OBP2B: variants seen among roughly 807,000 people sequenced by gnomAD.
OBP2B encodes the protein odorant-binding protein 2b.
Under a neutral mutation model 21.7 loss-of-function variants are expected in OBP2B, and 10 were observed. The observed-to-expected ratio is 0.46, with a 90% CI of 0.28 to 0.78. The LOEUF (loss-of-function observed/expected upper bound fraction) is 0.78. OBP2B is among the 30% of genes least tolerant of loss of function. OBP2B has a pLI of 0.11. For synonymous variants in OBP2B, 73 were observed against 91.5 expected, an observed-to-expected ratio of 0.80 and a Z score of 1.16; for missense variants, 153 against 217.7, an observed-to-expected ratio of 0.70 and a Z score of 1.87.
chr9:133,205,539 C>G, intron 6 of OBP2B, 128 bp from the exon 7 acceptor site: 1 of 657,398 alleles, frequency 1.5e-6, no homozygotes, highest in Non-Finnish European at 2.6e-6. Flanking sequence ...GGCTCCAGAG[C>G]GACCTCAGCT....
the OBP2B span, among the ~76,000 whole-genome samples, chr9:133,215,903 C>T: frequency 1.3e-5 from 2 of 152,126 alleles, no homozygotes. Flanking sequence ...AAAGAAGAAC[C>T]ACAACCTTGG....
At chr9:133,219,350 T>C in the OBP2B span, among the ~76,000 whole-genome samples, 1 of 152,280 alleles carries the variant, frequency 6.6e-6, no homozygotes, top group African/African-American at 2.4e-5. Flanking sequence ...CGTGAGAAAA[T>C]ACTTGCAAAT....
At chr9:133,216,515 A>C in the OBP2B span, among the ~76,000 whole-genome samples, 3 of 152,086 alleles carry the variant, frequency 2.0e-5, no homozygotes, top group Admixed American at 2.0e-4. Flanking sequence ...CAAGCATAGA[A>C]CCCCGCAATA....
chr9:133,207,149 A>C, intron 4 of OBP2B, 77 bp downstream of exon 4: 1 of 1,011,076 alleles, frequency 9.9e-7, no homozygotes, highest in Non-Finnish European at 1.6e-6. Flanking sequence ...ATGCCAGGGC[A>C]TGGTGGTGCT....
At chr9:133,219,213 A>C in the OBP2B span, among the ~76,000 whole-genome samples, 1 of 152,258 alleles carries the variant, frequency 6.6e-6, no homozygotes, top group Admixed American at 6.5e-5. Context: ...GGCTTTGACA[A>C]TGAATTCTTC....
the OBP2B span, among the ~76,000 whole-genome samples, chr9:133,214,918 G>T: frequency 1.3e-5 from 2 of 152,098 alleles, no homozygotes; most frequent in East Asian, 3.8e-4. Flanking sequence ...AGCAATAAAG[G>T]TTTTTTAAAA....
chr9:133,206,496 C>A, intron 4 of OBP2B, 80 bp from the exon 5 acceptor site: 2 of 1,573,078 alleles, frequency 1.3e-6, no homozygotes. Context: ...AAGGAGACGA[C>A]CACGGCCCAG....
rs782581400 is a variant in OBP2B at position 133,207,808 on chromosome 9, T to TTCCCCATCCCTAACCCTCAGCC, written c.277+303_277+324dup. The TTCCCCATCCCTAACCCTCAGCC allele has an allele frequency of 8.7e-4, 1,147 of 1,321,772 alleles. 2 individuals are homozygous for TTCCCCATCCCTAACCCTCAGCC. Among genetic ancestry groups the TTCCCCATCCCTAACCCTCAGCC allele is most frequent in the Non-Finnish European group, 1.1e-3 (1,049 of 983,972 alleles). 81.9% of individuals were successfully genotyped at this position (1,321,772 alleles called of 1,614,324 possible). ...AGCTTCCCCATCCTTAACCCTCAGC[T>TTCCCCATCCCTAACCCTCAGCC]TCCCCATCCCTAACCCTCAGCCTCC... On this transcript the variant is annotated intron_variant, in intron 3 of 6. Coordinates refer to ENST00000372034, the MANE Select transcript of OBP2B (RefSeq NM_014581.4).
chr9:133,215,265 CAAA>C, the OBP2B span, among the ~76,000 whole-genome samples: 3 of 152,076 alleles, frequency 2.0e-5, no homozygotes, highest in African/African-American at 7.2e-5. Context: ...TAAAATAAAT[CAAA>C]GAAGATCTAA....
upstream of OBP2B, among the ~76,000 whole-genome samples, chr9:133,214,053 G>A (rs1833946018): frequency 2.0e-5 from 3 of 152,260 alleles, no homozygotes; most frequent in South Asian, 6.2e-4. Context: ...TTCCAGGGAT[G>A]GAAACCTGGT....
At chr9:133,210,388 C>T (rs562333841), upstream of OBP2B, among the ~76,000 whole-genome samples, 44 of 152,246 alleles carry the variant, frequency 2.9e-4, no homozygotes, top group African/African-American at 9.9e-4. Flanking sequence ...CTGTAACGAA[C>T]GGGCTGGTGT....
upstream of OBP2B, among the ~76,000 whole-genome samples, chr9:133,210,817 T>C (rs1833902484): frequency 6.6e-6 from 1 of 152,218 alleles, no homozygotes; most frequent in Non-Finnish European, 1.5e-5. Flanking sequence ...TTTTAGATAC[T>C]GGTTGGGTTC....
chr9:133,207,914 C>T lies in OBP2B; in HGVS notation c.277+219G>A, dbSNP rs781916196. On this transcript the variant is annotated intron_variant, in intron 3 of 6. Coordinates refer to ENST00000372034, the MANE Select transcript of OBP2B (RefSeq NM_014581.4). Reference sequence around the variant, plus strand: ...TGGCTAGGGCCTCCCAGAGGGCAGGCGTGATCTGGTCCATCTCGACTGCGG... The same window carrying T: ...TGGCTAGGGCCTCCCAGAGGGCAGGTGTGATCTGGTCCATCTCGACTGCGG... 1.6e-5 allele frequency: 25 copies of T among 1,533,144 alleles called. 1 individual carries two copies. In the South Asian group the frequency reaches 2.0e-4, roughly 13 times the overall value. 95.0% of individuals were successfully genotyped at this position (1,533,144 alleles called of 1,614,324 possible). A position where few individuals can be genotyped will look rare whatever the true frequency, so the allele number is the denominator to read the frequency against.
At position 133,209,227 on chromosome 9, in the gene OBP2B, GC is replaced by G. The variant is rs781979710; in HGVS notation, c.-29del. On this transcript the variant is annotated 5_prime_UTR_variant, in exon 1 of 7. Transcript: ENST00000372034. This position sits in a 1 kb window ranked among gnomAD's most constrained non-coding sequence, Gnocchi z 6.0. ...CCAGAGCTCTGTGCTGCCGACCTCG[GC>G]AGGTCACTGGGCGTCTGAACAAGGC... 1.1e-5 allele frequency: 17 copies of G among 1,562,494 alleles called. No individual in the cohort carries two copies. In the South Asian group the frequency reaches 1.9e-4, roughly 17 times the overall value.
chr9:133,221,353 C>G, the OBP2B span, among the ~76,000 whole-genome samples: 1 of 152,214 alleles, frequency 6.6e-6, no homozygotes, highest in Non-Finnish European at 1.5e-5. Context: ...AGGGCTTTCT[C>G]AGGTCTACAG....
rs1322483555 is a variant in OBP2B at position 133,208,536 on chromosome 9, T to C, written c.139A>G (p.Arg47Gly). ...GTCACCTTCACTGGGGACACCTTCCTGGGCCTCCTGTCCTCCGGAAAGTCC... is the reference window on the plus strand; with the variant it reads ...GTCACCTTCACTGGGGACACCTTCCCGGGCCTCCTGTCCTCCGGAAAGTCC... ...DKDFPEDRRP[R>G]KVSPVKVTAL... The change falls in exon 2 of 7, where the codon AGG (arginine) becomes GGG (glycine). Residue 47 changes from arginine (R) to glycine (G), a missense_variant. Around this residue, in one of 2 missense-constraint regions of OBP2B, gnomAD observed 151 missense variants for 186.3 expected, o/e 0.81. Transcript: ENST00000372034. 9.9e-6 allele frequency: 16 copies of C among 1,613,532 alleles called. No homozygotes were observed. Among genetic ancestry groups the C allele is most frequent in the Non-Finnish European group, 1.3e-5 (15 of 1,179,726 alleles).
the OBP2B span, among the ~76,000 whole-genome samples, chr9:133,220,941 C>T: frequency 6.6e-6 from 1 of 152,126 alleles, no homozygotes; most frequent in African/African-American, 2.4e-5. Context: ...GGGCCACAAG[C>T]CAAGGCATGT....
chr9:133,206,000 C>T, intron 5 of OBP2B, 60 bp from the exon 6 acceptor site: 1 of 1,612,658 alleles, frequency 6.2e-7, no homozygotes. Flanking sequence ...GCCCAGACCC[C>T]ATCGCAGCCC....
At chr9:133,219,989 A>G in the OBP2B span, among the ~76,000 whole-genome samples, 4 of 152,256 alleles carry the variant, frequency 2.6e-5, no homozygotes, top group African/African-American at 9.6e-5. Flanking sequence ...ACGTTGAAAC[A>G]TTATGCTAAG....
Sources: allele counts gnomAD v4.1 joint callset (sites outside exome capture counted in the v4.1 genomes callset), GRCh38; gene constraint gnomAD v4.1.1; regional missense constraint gnomAD v4.1.1; non-coding constraint Gnocchi (gnomAD v3.1); transcripts MANE v1.5; gene names NCBI Gene and HGNC (gene_info 2026-07-23, HGNC 2026-07-21).